Variants in XKR9 observed in about 807,000 individuals in gnomAD.
XKR9 encodes XK related 9, also known as XK-related protein 9.
Under a neutral mutation model 32.0 loss-of-function variants are expected in XKR9, and 32 were observed. The observed-to-expected ratio is 1.00, with a 90% CI of 0.76 to 1.34. XKR9 has a LOEUF of 1.34. Ranked by LOEUF, XKR9 falls within the 40% of genes most tolerant of loss-of-function variation. XKR9 has a pLI of 0.00. For synonymous variants in XKR9, 168 were observed against 143.4 expected (o/e 1.17, Z -1.22); for missense variants, 546 against 429.7 (o/e 1.27, Z -2.39).
the XKR9 span, among the ~76,000 whole-genome samples, chr8:70,907,480 A>G: frequency 3.3e-5 from 5 of 152,176 alleles, no homozygotes; most frequent in African/African-American, 1.2e-4. Context: ...GTATTCATAT[A>G]TTTAGAATTC....
the XKR9 span, among the ~76,000 whole-genome samples, chr8:70,828,411 A>G: frequency 6.6e-6 from 1 of 152,236 alleles, no homozygotes; most frequent in African/African-American, 2.4e-5. Context: ...AGTGGGTTGA[A>G]CACCTAGACA....
the XKR9 span, among the ~76,000 whole-genome samples, chr8:70,853,034 A>T: frequency 1.3e-5 from 2 of 152,144 alleles, no homozygotes; most frequent in African/African-American, 4.8e-5. Context: ...AAAATGTGGT[A>T]CATATACACA....
the XKR9 span, among the ~76,000 whole-genome samples, chr8:70,917,610 A>G: frequency 5.3e-5 from 8 of 152,168 alleles, no homozygotes; most frequent in Non-Finnish European, 1.5e-5. Context: ...TTCTGGCTTT[A>G]TTAATATTTA....
the XKR9 span, among the ~76,000 whole-genome samples, chr8:70,805,069 G>A: frequency 2.8e-4 from 42 of 152,260 alleles, 1 homozygote; most frequent in South Asian, 8.1e-3. Context: ...TCCTTCACTG[G>A]CAACCAAGGT....
At chr8:70,928,341 C>A in the XKR9 span, among the ~76,000 whole-genome samples, 1 of 152,166 alleles carries the variant, frequency 6.6e-6, no homozygotes, top group African/African-American at 2.4e-5. Flanking sequence ...CACCCACCTG[C>A]CTTGATTTCC....
At chr8:70,781,144 T>C (rs753661196) in intron 2 of XKR9, 3 of 152,138 alleles carry the variant, frequency 2.0e-5, no homozygotes, top group Non-Finnish European at 4.4e-5. Flanking sequence ...AGTTTTGATT[T>C]GCATTTCTTT....
At chr8:70,720,082 A>C (rs1206889374) in intron 4 of XKR9, among the ~76,000 whole-genome samples, 2 of 152,152 alleles carry the variant, frequency 1.3e-5, no homozygotes, top group Non-Finnish European at 2.9e-5. Context: ...TAGTTCATTC[A>C]TGATTGGGCT....
the XKR9 span, among the ~76,000 whole-genome samples, chr8:70,978,373 T>C: frequency 1.3e-5 from 2 of 152,202 alleles, no homozygotes; most frequent in African/African-American, 4.8e-5. Flanking sequence ...TGGCTGGTAC[T>C]AGTTTTTCCT....
intron 2 of XKR9, among the ~76,000 whole-genome samples, chr8:70,749,164 C>T (rs1807099467): frequency 6.6e-6 from 1 of 152,220 alleles, no homozygotes; most frequent in African/African-American, 2.4e-5. Flanking sequence ...TGAAGATCTT[C>T]TCTGCATTGC....
chr8:70,690,540 G>C (rs375768144), intron 3 of XKR9, among the ~76,000 whole-genome samples: 2 of 151,458 alleles, frequency 1.3e-5, no homozygotes, highest in African/African-American at 4.8e-5. Flanking sequence ...TGGGGGTGGG[G>C]GTCTCACCAT....
At chr8:70,892,328 T>C in the XKR9 span, among the ~76,000 whole-genome samples, 4 of 152,114 alleles carry the variant, frequency 2.6e-5, no homozygotes, top group African/African-American at 9.6e-5. Context: ...TATATTTTGT[T>C]CTTTTGTTCC....
chr8:70,733,404 T>C (rs913346529), intron 4 of XKR9, among the ~76,000 whole-genome samples: 1 of 151,966 alleles, frequency 6.6e-6, no homozygotes, highest in Non-Finnish European at 1.5e-5. Context: ...AGTCAAAACA[T>C]CTAGAAAAAC....
At chr8:70,973,601 C>A in the XKR9 span, among the ~76,000 whole-genome samples, 1 of 152,046 alleles carries the variant, frequency 6.6e-6, no homozygotes, top group Non-Finnish European at 1.5e-5. Context: ...TTAATTAATG[C>A]TATGAACTTT....
the XKR9 span, among the ~76,000 whole-genome samples, chr8:70,815,796 A>T: frequency 6.6e-6 from 1 of 152,054 alleles, no homozygotes; most frequent in East Asian, 1.9e-4. Context: ...CAGTGCTGGG[A>T]TTACAGTCGT....
chr8:70,707,084 G>C lies in XKR9; in HGVS notation c.424G>C (p.Glu142Gln). 6.2e-7 allele frequency: 1 copy of C among 1,613,384 alleles called. No homozygotes were observed. Among genetic ancestry groups the C allele is most frequent in the Non-Finnish European group, 8.5e-7 (1 of 1,179,502 alleles). The change falls in exon 4 of 5, where the codon GAA becomes CAA. Residue 142 changes from glutamate (E) to glutamine (Q), a missense_variant. Transcript: ENST00000408926. ...SMLRLFETYL[E>Q]GCPQLILQLY... ...GCTCAGACTATTTGAGACCTACCTGGAAGGCTGCCCACAACTTATTCTTCA... is the reference window on the plus strand; with the variant it reads ...GCTCAGACTATTTGAGACCTACCTGCAAGGCTGCCCACAACTTATTCTTCA...
chr8:70,979,244 C>T, the XKR9 span, among the ~76,000 whole-genome samples: 2 of 152,286 alleles, frequency 1.3e-5, no homozygotes, highest in African/African-American at 4.8e-5. Context: ...TCTGTCAACT[C>T]GTCAAAATCA....
At chr8:70,740,225 C>T (rs891045215), downstream of XKR9, among the ~76,000 whole-genome samples, 2 of 152,184 alleles carry the variant, frequency 1.3e-5, no homozygotes, top group African/African-American at 4.8e-5. Flanking sequence ...ATTTCATCTT[C>T]CATCACTGAT....
chr8:70,776,943 C>CTATATATATA (rs1458131849), intron 2 of XKR9, among the ~76,000 whole-genome samples: 2 of 38,314 alleles, frequency 5.2e-5, no homozygotes, highest in African/African-American at 3.4e-4. Context: ...CTCTCTCTCT[C>CTATATATATA]TCTCTATATA....
the XKR9 span, among the ~76,000 whole-genome samples, chr8:70,870,205 A>G: frequency 6.6e-6 from 1 of 152,194 alleles, no homozygotes. Flanking sequence ...TAACAACACC[A>G]TGTCTTTCCT....
Sources: gnomAD v4.1 joint callset for allele counts (sites outside exome capture counted in the v4.1 genomes callset) on GRCh38, gnomAD v4.1.1 for gene constraint, MANE v1.5 for transcripts, NCBI Gene and HGNC (gene_info 2026-07-23, HGNC 2026-07-21) for gene names.